Variants in CCBE1 observed in about 807,000 individuals in gnomAD.
CCBE1 encodes collagen and calcium-binding EGF domain-containing protein 1.
CCBE1 carries 37 observed loss-of-function variants against 50.0 expected under a neutral mutation model. The observed-to-expected ratio is 0.74, with a 90% confidence interval of 0.57 to 0.97. The LOEUF is 0.97. Among genes scored for constraint, CCBE1 ranks in the 50% least tolerant of loss-of-function variants. The probability of loss-of-function intolerance (pLI) is 0.00; values close to 1 mark genes in which losing one functional copy is unlikely to be tolerated. For synonymous variants in CCBE1, 234 were observed against 203.7 expected (o/e 1.15, Z -1.27); for missense variants, 538 against 523.8 (o/e 1.03, Z -0.26).
intron 2 of CCBE1, among the ~76,000 whole-genome samples, chr18:59,613,722 G>C (rs1250320323): frequency 6.6e-6 from 1 of 151,576 alleles, no homozygotes; most frequent in African/African-American, 2.4e-5. Flanking sequence ...AACATAGTGA[G>C]ACCCCATCTT....
At chr18:59,458,858 T>C (rs1911331068) in intron 5 of CCBE1, among the ~76,000 whole-genome samples, 2 of 152,222 alleles carry the variant, frequency 1.3e-5, no homozygotes, top group African/African-American at 4.8e-5. Context: ...TGAACCAAGA[T>C]TAACATTATC....
At chr18:59,520,442 G>A (rs1019894180) in intron 2 of CCBE1, among the ~76,000 whole-genome samples, 2 of 152,150 alleles carry the variant, frequency 1.3e-5, no homozygotes, top group Admixed American at 6.5e-5. Context: ...TTCAGCATAG[G>A]TTATGTTGAC....
intron 3 of CCBE1, among the ~76,000 whole-genome samples, chr18:59,478,750 C>T (rs610635): frequency 0.26 from 40,271 of 152,108 alleles, 5,460 homozygotes; most frequent in Non-Finnish European, 0.29. Context: ...AATTTTCTTT[C>T]GAGTCTGCCA....
intron 2 of CCBE1, among the ~76,000 whole-genome samples, chr18:59,602,824 GA>G (rs1281402526): frequency 6.6e-6 from 1 of 152,218 alleles, no homozygotes; most frequent in East Asian, 1.9e-4. Flanking sequence ...TATGCGCTCT[GA>G]CAAAACTAAA....
At chr18:59,693,325 T>C (rs1033180277) in intron 2 of CCBE1, among the ~76,000 whole-genome samples, 3 of 152,168 alleles carry the variant, frequency 2.0e-5, no homozygotes. Flanking sequence ...CCTTAAAACT[T>C]TGTTTCATTT....
At chr18:59,492,867 G>A (rs1350509940) in intron 2 of CCBE1, among the ~76,000 whole-genome samples, 1 of 152,216 alleles carries the variant, frequency 6.6e-6, no homozygotes, top group East Asian at 1.9e-4. Context: ...TGGAGCCCTT[G>A]ACCCTTACAG....
At chr18:59,505,497 C>T (rs1913828585) in intron 2 of CCBE1, among the ~76,000 whole-genome samples, 1 of 152,144 alleles carries the variant, frequency 6.6e-6, no homozygotes, top group Admixed American at 6.5e-5. Flanking sequence ...TGAATATCCC[C>T]CAGAATGTAA....
chr18:59,468,231 C>G (rs1249982867), intron 4 of CCBE1, among the ~76,000 whole-genome samples: 1 of 152,058 alleles, frequency 6.6e-6, no homozygotes, highest in Non-Finnish European at 1.5e-5. Context: ...AAAATACGAA[C>G]AAAATTAGCT....
At chr18:59,592,624 T>G (rs1416372246) in intron 2 of CCBE1, among the ~76,000 whole-genome samples, 1 of 152,188 alleles carries the variant, frequency 6.6e-6, no homozygotes, top group Non-Finnish European at 1.5e-5. Flanking sequence ...TAGATAGATA[T>G]ATATACTACT....
intron 2 of CCBE1, among the ~76,000 whole-genome samples, chr18:59,625,430 C>CAAAAAAAAAAAAAAAAAAAAAA (rs750324482): frequency 4.3e-5 from 3 of 69,918 alleles, no homozygotes; most frequent in African/African-American, 1.8e-4. Flanking sequence ...GATTCTGTCT[C>CAAAAAAAAAAAAAAAAAAAAAA]AAAAAAAAAA....
At chr18:59,496,066 A>G (rs1330763347) in intron 2 of CCBE1, among the ~76,000 whole-genome samples, 2 of 152,196 alleles carry the variant, frequency 1.3e-5, no homozygotes, top group Non-Finnish European at 2.9e-5. Flanking sequence ...GGAGTTTGTC[A>G]CTTATCATAA....
intron 2 of CCBE1, among the ~76,000 whole-genome samples, chr18:59,648,178 T>G (rs2054080215): frequency 6.6e-6 from 1 of 152,226 alleles, no homozygotes; most frequent in Non-Finnish European, 1.5e-5. Flanking sequence ...CAGAGCAAGT[T>G]AGAAGCCTAC....
intron 2 of CCBE1, among the ~76,000 whole-genome samples, chr18:59,638,893 A>G (rs906619004): frequency 7.6e-6 from 1 of 130,802 alleles, no homozygotes; most frequent in Non-Finnish European, 1.7e-5. Context: ...AACTTTTAAG[A>G]GTAGATCTAC....
intron 2 of CCBE1, among the ~76,000 whole-genome samples, chr18:59,616,297 G>C (rs1472648912): frequency 2.0e-5 from 3 of 152,204 alleles, no homozygotes; most frequent in African/African-American, 7.2e-5. Context: ...AGAAAACAAA[G>C]AGGAGCCAGA....
At chr18:59,639,195 G>A (rs964602543) in intron 2 of CCBE1, among the ~76,000 whole-genome samples, 4 of 152,102 alleles carry the variant, frequency 2.6e-5, no homozygotes, top group Admixed American at 6.5e-5. Context: ...GATTGAGCCC[G>A]GGAGTCCAAG....
intron 2 of CCBE1, among the ~76,000 whole-genome samples, chr18:59,552,406 C>G (rs529556504): frequency 5.3e-5 from 8 of 152,144 alleles, no homozygotes; most frequent in Non-Finnish European, 1.2e-4. Context: ...ATGGGGCACA[C>G]ACAAAAAGAA....
intron 2 of CCBE1, among the ~76,000 whole-genome samples, chr18:59,514,689 A>G (rs1914293269): frequency 6.9e-6 from 1 of 145,718 alleles, no homozygotes; most frequent in Non-Finnish European, 1.5e-5. Flanking sequence ...TCTAAGCGGC[A>G]TCTGCTGACT....
intron 2 of CCBE1, among the ~76,000 whole-genome samples, chr18:59,589,257 A>C (rs2053224006): frequency 6.6e-6 from 1 of 152,190 alleles, no homozygotes; most frequent in Non-Finnish European, 1.5e-5. Context: ...GTTCATCAAT[A>C]TGGGCCACAT....
intron 2 of CCBE1, among the ~76,000 whole-genome samples, chr18:59,499,953 A>AG (rs1244073893): frequency 6.6e-6 from 1 of 152,126 alleles, no homozygotes; most frequent in Admixed American, 6.5e-5. Context: ...ATTGGAGTTC[A>AG]GGGGGCTTTG....
Sources: gnomAD v4.1 joint callset for allele counts (sites outside exome capture counted in the v4.1 genomes callset) on GRCh38, gnomAD v4.1.1 for gene constraint, MANE v1.5 for transcripts, NCBI Gene and HGNC (gene_info 2026-07-23, HGNC 2026-07-21) for gene names.